Variants in PRTG observed in about 807,000 individuals in gnomAD.
The protein encoded by PRTG is protogenin.
In PRTG, 67 loss-of-function variants were observed where a neutral mutation model predicts 122.5. The observed-to-expected ratio is 0.55, with a 90% CI of 0.45 to 0.67. The LOEUF is 0.67. Among genes scored for constraint, PRTG ranks in the 30% least tolerant of loss-of-function variants. PRTG has a pLI of 0.00. For synonymous variants in PRTG, 554 were observed against 501.1 expected, an observed-to-expected ratio of 1.11 and a Z score of -1.41; for missense variants, 1,435 against 1,415.4, an observed-to-expected ratio of 1.01 and a Z score of -0.22.
In PRTG at chr15:55,612,696, CAATA is replaced by C. The variant is rs1276504666; in HGVS notation, c.*7312_*7315del. 8.8e-4 allele frequency: 80 copies of C among 90,582 alleles called. No homozygotes were observed. Among genetic ancestry groups the C allele is most frequent in the African/African-American group, 2.5e-3 (44 of 17,374 alleles). 5.6% of individuals were successfully genotyped at this position (90,582 alleles called of 1,614,324 possible). A position where few individuals can be genotyped will look rare whatever the true frequency, so the allele number is the denominator to read the frequency against. ...ATTCTCTCTTTAACTCTTTAAAAGCCAATATATATATATATATATATATATATAT... is the reference window on the plus strand; with the variant it reads ...ATTCTCTCTTTAACTCTTTAAAAGCCTATATATATATATATATATATATAT... On this transcript the variant is annotated 3_prime_UTR_variant, in exon 20 of 20. Coordinates refer to ENST00000389286, the MANE Select transcript of PRTG (RefSeq NM_173814.6).
chr15:55,731,129 T>C (rs914013581), intron 2 of PRTG, among the ~76,000 whole-genome samples: 1 of 151,586 alleles, frequency 6.6e-6, no homozygotes, highest in Non-Finnish European at 1.5e-5. Flanking sequence ...TGTCTCTCTT[T>C]TATTTATTTA....
Position 55,620,708 on chromosome 15 carries a change from T to C in PRTG, c.3153A>G (p.Lys1051=). The change falls in exon 19 of 20, where the codon AAA becomes AAG. Residue 1051 remains lysine (K), a synonymous_variant. Transcript: ENST00000389286. ...TTGAGTCTTGGAAAAAAAACCACTTTTTCTTAGAGTTGTTTTTAATTATAG... is the reference window on the plus strand; with the variant it reads ...TTGAGTCTTGGAAAAAAAACCACTTCTTCTTAGAGTTGTTTTTAATTATAG... The part of the protein sequence containing the change: ...YGPIIKNNSK[K]KWFFFQDSKK... The C allele has an allele frequency of 6.2e-7, 1 of 1,602,928 alleles. No homozygotes were observed. The highest frequency in any genetic ancestry group is 8.5e-7 in the Non-Finnish European group (1 of 1,177,544).
intron 11 of PRTG, among the ~76,000 whole-genome samples, chr15:55,649,582 AG>A (rs2059342604): frequency 6.6e-6 from 1 of 152,068 alleles, no homozygotes; most frequent in African/African-American, 2.4e-5. Context: ...GCCATGAGTT[AG>A]AGACCAGCCT....
At chr15:55,662,384 C>CA (rs150338009) in intron 11 of PRTG, among the ~76,000 whole-genome samples, 42 of 150,874 alleles carry the variant, frequency 2.8e-4, no homozygotes, top group African/African-American at 9.0e-4. Flanking sequence ...AACTGGGTTA[C>CA]AAAAAAAAAG....
rs548466085 is a variant in PRTG at position 55,634,137 on chromosome 15, G to A, written c.2623+3033C>T. On this transcript the variant is annotated intron_variant, in intron 15 of 19. Transcript: ENST00000389286. ...GGCTGGAGTGCAATGGCATTATCTC[G>A]GTTCACCACAACCTCTGTCTCCTGG... Among the ~76,000 whole-genome samples the A allele has an allele frequency of 3.7e-4, 53 of 142,934 alleles. 1 individual carries two copies. In the South Asian group the frequency reaches 0.01, roughly 28 times the overall value. 93.8% of individuals were successfully genotyped at this position (142,934 alleles called of 152,430 possible).
At chr15:55,659,157 T>G (rs2059396002) in intron 11 of PRTG, among the ~76,000 whole-genome samples, 1 of 152,158 alleles carries the variant, frequency 6.6e-6, no homozygotes, top group African/African-American at 2.4e-5. Context: ...CAGCCCACAT[T>G]TGCTGGGATT....
At chr15:55,712,308 AAGAC>A (rs1197724135) in intron 2 of PRTG, among the ~76,000 whole-genome samples, 1 of 152,228 alleles carries the variant, frequency 6.6e-6, no homozygotes, top group East Asian at 1.9e-4. Context: ...CCACTGGTCA[AAGAC>A]AGACAAAGAC....
chr15:55,721,307 C>G (rs2030814516), intron 2 of PRTG, among the ~76,000 whole-genome samples: 1 of 152,194 alleles, frequency 6.6e-6, no homozygotes, highest in Admixed American at 6.5e-5. Flanking sequence ...CTCACAGACA[C>G]TAATGGGATC....
chr15:55,639,833 T>C lies in PRTG; in HGVS notation c.2138-5A>G. 6.2e-7 allele frequency: 1 copy of C among 1,612,962 alleles called. No individual in the cohort carries two copies. Among genetic ancestry groups the C allele is most frequent in the Non-Finnish European group, 8.5e-7 (1 of 1,179,514 alleles). On this transcript the variant is annotated splice_region_variant and splice_polypyrimidine_tract_variant and intron_variant, in intron 12 of 19. Transcript: ENST00000389286. ...GGACCATGCGATCACGAACAGCTAT[T>C]GAGAAAAACAATGTTAATTTACGAT... is the stretch of plus-strand genomic sequence containing the variant.
chr15:55,681,951 T>A (rs2059540902), intron 4 of PRTG, among the ~76,000 whole-genome samples: 1 of 152,054 alleles, frequency 6.6e-6, no homozygotes, highest in Non-Finnish European at 1.5e-5. Context: ...ATACACAAAT[T>A]TTAAAATATA....
chr15:55,694,838 G>T (rs543189241), intron 2 of PRTG, among the ~76,000 whole-genome samples: 2 of 152,106 alleles, frequency 1.3e-5, no homozygotes, highest in South Asian at 4.2e-4. Context: ...CTTTGTTTCC[G>T]CCAGTTAGGT....
intron 11 of PRTG, among the ~76,000 whole-genome samples, chr15:55,653,019 A>G (rs1436837399): frequency 1.3e-5 from 2 of 152,230 alleles, no homozygotes; most frequent in Non-Finnish European, 2.9e-5. Flanking sequence ...TTCTCCATTT[A>G]TAAACTGAAT....
intron 2 of PRTG, among the ~76,000 whole-genome samples, chr15:55,689,375 A>G (rs1422510011): frequency 2.6e-5 from 4 of 152,206 alleles, no homozygotes; most frequent in African/African-American, 7.2e-5. Flanking sequence ...TCCTTGCCAT[A>G]GCAAAAGAAA....
At chr15:55,703,679 T>A (rs2029974238) in intron 2 of PRTG, among the ~76,000 whole-genome samples, 1 of 152,242 alleles carries the variant, frequency 6.6e-6, no homozygotes, top group Non-Finnish European at 1.5e-5. Flanking sequence ...TTTGTCTTCA[T>A]CTCTAGAGCT....
intron 2 of PRTG, among the ~76,000 whole-genome samples, chr15:55,690,033 A>G (rs2059592042): frequency 1.3e-5 from 2 of 152,334 alleles, no homozygotes; most frequent in South Asian, 4.1e-4. Context: ...AGTTATATGA[A>G]AACAATATCT....
chr15:55,710,772 G>A (rs919363193), intron 2 of PRTG, among the ~76,000 whole-genome samples: 25 of 152,000 alleles, frequency 1.6e-4, no homozygotes, highest in Non-Finnish European at 2.9e-5. Context: ...AAAATTATCA[G>A]TAAAAAATAC....
intron 2 of PRTG, among the ~76,000 whole-genome samples, chr15:55,702,128 A>T (rs985826245): frequency 2.6e-5 from 4 of 152,228 alleles, no homozygotes; most frequent in Admixed American, 6.5e-5. Context: ...TCTTTAAAAA[A>T]CAGAAAAGAT....
At chr15:55,742,705 G>T (rs1174062939) in intron 1 of PRTG, 133 bp downstream of exon 1, 2 of 1,090,292 alleles carry the variant, frequency 1.8e-6, no homozygotes, top group Non-Finnish European at 2.7e-6. Context: ...CGAGAGCGGG[G>T]GCCGGGGGTC....
intron 15 of PRTG, among the ~76,000 whole-genome samples, chr15:55,634,383 T>C (rs1595607344): frequency 1.3e-5 from 2 of 152,256 alleles, no homozygotes; most frequent in Admixed American, 1.3e-4. Flanking sequence ...CTGCTTCTTT[T>C]TAGGCAGGTG....
Sources: allele counts gnomAD v4.1 joint callset (sites outside exome capture counted in the v4.1 genomes callset), GRCh38; gene constraint gnomAD v4.1.1; transcripts MANE v1.5; gene names NCBI Gene and HGNC (gene_info 2026-07-23, HGNC 2026-07-21).